The following NBAS variants were observed in gnomAD, a reference collection of about 807,000 sequenced individuals.
The protein encoded by NBAS is NBAS subunit of NRZ tethering complex.
NBAS carries 219 observed loss-of-function variants against 302.5 expected under a neutral mutation model. That is an observed-to-expected ratio of 0.72 (90% confidence interval 0.65 to 0.81). The LOEUF is 0.81. NBAS is among the 30% of genes least tolerant of loss of function. The pLI, the probability that NBAS is intolerant of heterozygous loss-of-function variation, is 0.00. For missense variants in NBAS, 2,932 were observed against 2,841.6 expected (o/e 1.03, Z -0.72); for synonymous variants, 1,118 against 1,021.6 (o/e 1.09, Z -1.80).
the NBAS span, among the ~76,000 whole-genome samples, chr2:15,002,613 G>A: frequency 0.3 from 46,135 of 152,134 alleles, 8,011 homozygotes; most frequent in Non-Finnish European, 0.4. Context: ...GGCTCGGGCC[G>A]CACAGGATCC....
At chr2:15,045,354 T>C in the NBAS span, among the ~76,000 whole-genome samples, 1 of 152,180 alleles carries the variant, frequency 6.6e-6, no homozygotes, top group African/African-American at 2.4e-5. Flanking sequence ...TTGCACATGT[T>C]TGGGCAGTAA....
the NBAS span, among the ~76,000 whole-genome samples, chr2:14,853,743 T>TA: frequency 2.5e-4 from 28 of 110,876 alleles, 8 homozygotes; most frequent in African/African-American, 9.9e-4. Flanking sequence ...TATGCTGCCA[T>TA]AAAAAATGAT....
the NBAS span, among the ~76,000 whole-genome samples, chr2:14,870,985 A>C: frequency 2.6e-5 from 4 of 152,148 alleles, no homozygotes; most frequent in East Asian, 7.7e-4. Context: ...GAGTAAAAAT[A>C]AACTAAAAAA....
intron 16 of NBAS, among the ~76,000 whole-genome samples, chr2:15,470,102 A>G (rs899873467): frequency 2.6e-5 from 4 of 152,100 alleles, no homozygotes; most frequent in Non-Finnish European, 5.9e-5. Context: ...GATCCTTTAT[A>G]TATTGCCTCA....
chr2:15,436,669 A>G (rs898073650), intron 21 of NBAS, among the ~76,000 whole-genome samples: 2 of 152,206 alleles, frequency 1.3e-5, no homozygotes, highest in African/African-American at 4.8e-5. Context: ...TGTTCATTAG[A>G]GGAAAAAAAT....
intron 35 of NBAS, among the ~76,000 whole-genome samples, chr2:15,351,648 A>G (rs1398229201): frequency 1.3e-5 from 2 of 151,986 alleles, no homozygotes; most frequent in African/African-American, 4.8e-5. Context: ...ACTGCACTCT[A>G]GCCTGGCAAA....
At chr2:15,369,043 C>G (rs965799823) in intron 31 of NBAS, among the ~76,000 whole-genome samples, 1 of 152,066 alleles carries the variant, frequency 6.6e-6, no homozygotes, top group African/African-American at 2.4e-5. Flanking sequence ...CCTCAATATC[C>G]GCTACTATTT....
intron 12 of NBAS, among the ~76,000 whole-genome samples, chr2:15,487,688 T>C (rs1680689970): frequency 6.6e-6 from 1 of 152,186 alleles, no homozygotes; most frequent in African/African-American, 2.4e-5. Context: ...GCTAAATACA[T>C]TACACAGTTT....
chr2:14,840,167 A>G, the NBAS span, among the ~76,000 whole-genome samples: 14 of 152,100 alleles, frequency 9.2e-5, no homozygotes, highest in East Asian at 2.3e-3. Context: ...AGGCTCTCAG[A>G]AGCATAATAT....
At chr2:15,051,522 G>A in the NBAS span, among the ~76,000 whole-genome samples, 10,782 of 152,172 alleles carry the variant, frequency 0.071, 486 homozygotes, top group East Asian at 0.21. Context: ...AAGGGCCTCA[G>A]TCTCCACTTT....
chr2:15,256,344 G>A (rs979181831), intron 44 of NBAS, among the ~76,000 whole-genome samples: 13 of 151,622 alleles, frequency 8.6e-5, no homozygotes, highest in African/African-American at 2.9e-4. Flanking sequence ...TTGAGTTCTC[G>A]ACTTGATTCT....
the NBAS span, among the ~76,000 whole-genome samples, chr2:15,042,214 C>G: frequency 2.6e-5 from 4 of 152,300 alleles, no homozygotes; most frequent in Admixed American, 2.6e-4. Context: ...TTCTTCTCTG[C>G]CTGTAAGTGC....
chr2:15,073,553 C>T, the NBAS span, among the ~76,000 whole-genome samples: 1 of 151,896 alleles, frequency 6.6e-6, no homozygotes, highest in Non-Finnish European at 1.5e-5. Context: ...GGCTGTATCC[C>T]CCGCATCCTA....
At chr2:15,229,162 T>C (rs552262987) in intron 47 of NBAS, among the ~76,000 whole-genome samples, 4 of 150,678 alleles carry the variant, frequency 2.7e-5, no homozygotes, top group Non-Finnish European at 4.4e-5. Context: ...GCCAACATGA[T>C]GAAACCCCAT....
At chr2:15,531,007 A>G (rs1201498416) in intron 9 of NBAS, among the ~76,000 whole-genome samples, 1 of 152,216 alleles carries the variant, frequency 6.6e-6, no homozygotes, top group Non-Finnish European at 1.5e-5. Context: ...TAGAAGCTAG[A>G]AGAAAATAGA....
At chr2:15,162,458 G>A (rs1030771361), downstream of NBAS, among the ~76,000 whole-genome samples, 10 of 152,176 alleles carry the variant, frequency 6.6e-5, no homozygotes, top group Non-Finnish European at 1.2e-4. Flanking sequence ...AGCCACCGGG[G>A]GAGCAGAAAC....
the NBAS span, among the ~76,000 whole-genome samples, chr2:14,886,400 C>G: frequency 5.2e-4 from 79 of 152,206 alleles, 1 homozygote; most frequent in Non-Finnish European, 8.5e-4. Context: ...TCATCTCCTG[C>G]GTGAAGCCTT....
At chr2:15,520,583 G>A (rs1007129872) in intron 9 of NBAS, among the ~76,000 whole-genome samples, 8 of 151,136 alleles carry the variant, frequency 5.3e-5, no homozygotes, top group Admixed American at 2.0e-4. Context: ...ATATGGTCTC[G>A]CACAACTACT....
the NBAS span, among the ~76,000 whole-genome samples, chr2:14,845,009 G>T: frequency 6.6e-6 from 1 of 152,210 alleles, no homozygotes; most frequent in Non-Finnish European, 1.5e-5. Flanking sequence ...CACAAGCCTT[G>T]CTGGCTTTGC....
Sources: gnomAD v4.1 joint callset for allele counts (sites outside exome capture counted in the v4.1 genomes callset) on GRCh38, gnomAD v4.1.1 for gene constraint, MANE v1.5 for transcripts, NCBI Gene and HGNC (gene_info 2026-07-23, HGNC 2026-07-21) for gene names.